The following XPA variants were observed in gnomAD, a reference collection of about 807,000 sequenced individuals.
XPA encodes the protein XPA, DNA damage recognition and repair factor, also known as DNA repair protein complementing XP-A cells.
Under a neutral mutation model 35.7 loss-of-function variants are expected in XPA, and 27 were observed. That is an observed-to-expected ratio of 0.76 (90% CI 0.56 to 1.04). The LOEUF is 1.04. XPA is among the 50% of genes least tolerant of loss of function. The pLI, the probability that XPA is intolerant of heterozygous loss-of-function variation, is 0.00. For synonymous variants in XPA, 133 were observed against 118.4 expected (o/e 1.12, Z -0.80); for missense variants, 354 against 342.7 (o/e 1.03, Z -0.26).
At chr9:97,693,940 C>A (rs991941322) in intron 1 of XPA, among the ~76,000 whole-genome samples, 181 bp from the exon 2 acceptor site, 6 of 151,910 alleles carry the variant, frequency 3.9e-5, no homozygotes, top group Admixed American at 1.3e-4. Flanking sequence ...GCAAGAAAAC[C>A]AAAAAGGCAT....
chr9:97,661,562 A>T, the XPA span, among the ~76,000 whole-genome samples: 1 of 152,188 alleles, frequency 6.6e-6, no homozygotes, highest in Non-Finnish European at 1.5e-5. Context: ...AAAACTACTG[A>T]ATCAAAATAA....
chr9:97,671,825 A>G (rs998352057), downstream of XPA: 14 of 152,320 alleles, frequency 9.2e-5, no homozygotes, highest in African/African-American at 3.4e-4. Context: ...ATCACCTGGG[A>G]ATCTTTCAAG....
At chr9:97,679,749 A>G (rs772393446) in intron 5 of XPA, among the ~76,000 whole-genome samples, 7 of 152,248 alleles carry the variant, frequency 4.6e-5, no homozygotes, top group East Asian at 1.9e-4. Flanking sequence ...CTCACTAATT[A>G]CAAAGGATAA....
chr9:97,687,711 G>A (rs1029390224), intron 3 of XPA, among the ~76,000 whole-genome samples: 1 of 152,188 alleles, frequency 6.6e-6, no homozygotes, highest in African/African-American at 2.4e-5. Context: ...GACCCTAGGG[G>A]TGCGAAAGGG....
the XPA span, among the ~76,000 whole-genome samples, chr9:97,656,940 C>G: frequency 6.6e-6 from 1 of 152,136 alleles, no homozygotes; most frequent in Non-Finnish European, 1.5e-5. Context: ...ACCTGTATTT[C>G]CTGTCTGGTC....
At chr9:97,668,925 T>G in the XPA span, 12 of 1,613,790 alleles carry the variant, frequency 7.4e-6, no homozygotes, top group African/African-American at 1.3e-5. Context: ...CAGGAAAAAG[T>G]GGAATCTGCT....
chr9:97,693,810 G>A (rs1307970134), intron 1 of XPA, 51 bp from the exon 2 acceptor site: 2 of 1,519,008 alleles, frequency 1.3e-6, no homozygotes, highest in Non-Finnish European at 1.8e-6. Context: ...AAGCCTGTAT[G>A]TTACCTTGTT....
At chr9:97,687,347 C>A in intron 3 of XPA, 86 bp from the exon 4 acceptor site, 1 of 1,196,376 alleles carries the variant, frequency 8.4e-7, no homozygotes, top group Non-Finnish European at 1.1e-6. Flanking sequence ...GGGGCACACA[C>A]AGCAAAAAGG....
downstream of XPA, among the ~76,000 whole-genome samples, chr9:97,674,702 G>A (rs1352018196): frequency 6.6e-6 from 1 of 152,056 alleles, no homozygotes. Flanking sequence ...ATACTCCTAA[G>A]GCACTTAGGT....
In XPA at chr9:97,693,628, T is replaced by A. The variant is rs766064929; in HGVS notation, c.283+21A>T. On this transcript the variant is annotated intron_variant, in intron 2 of 5. Transcript: ENST00000375128. ...TCAAAATAACCAATCTAGATACTTA[T>A]TTTTGAAAAACTCACTTTACCTGGT... 7 of 1,607,236 alleles carry A rather than the reference T, an allele frequency of 4.4e-6. No homozygotes were observed. In the East Asian group the frequency reaches 1.3e-4, roughly 31 times the overall value.
At chr9:97,688,187 G>A (rs1168824836) in intron 3 of XPA, among the ~76,000 whole-genome samples, 1 of 152,164 alleles carries the variant, frequency 6.6e-6, no homozygotes, top group Non-Finnish European at 1.5e-5. Context: ...TCAAGGTGTT[G>A]GCAGGACCAC....
chr9:97,667,126 TATC>T, the XPA span, among the ~76,000 whole-genome samples: 1 of 152,140 alleles, frequency 6.6e-6, no homozygotes, highest in Non-Finnish European at 1.5e-5. Flanking sequence ...CATAGTTCAC[TATC>T]TCTGGGTCGG....
At chr9:97,661,734 T>G in the XPA span, among the ~76,000 whole-genome samples, 1 of 113,898 alleles carries the variant, frequency 8.8e-6, no homozygotes. Flanking sequence ...GCTTAAGTGT[T>G]TTTTTTTTTT....
At chr9:97,691,190 A>G (rs1828876990) in intron 2 of XPA, among the ~76,000 whole-genome samples, 2 of 152,244 alleles carry the variant, frequency 1.3e-5, no homozygotes, top group African/African-American at 4.8e-5. Flanking sequence ...GTCTCCCTCC[A>G]TTCTATCCCC....
chr9:97,695,675 T>C (rs1829020468), intron 1 of XPA, among the ~76,000 whole-genome samples: 1 of 152,202 alleles, frequency 6.6e-6, no homozygotes, highest in South Asian at 2.1e-4. Flanking sequence ...ACTCTTCGTA[T>C]TCTAAGCAAG....
the XPA span, among the ~76,000 whole-genome samples, chr9:97,664,170 C>T: frequency 6.6e-6 from 1 of 151,996 alleles, no homozygotes; most frequent in Admixed American, 6.5e-5. Context: ...CAGAGCAACT[C>T]TGTCTCCCAA....
chr9:97,697,325 T>G lies in XPA; in HGVS notation c.-33A>C. The G allele has an allele frequency of 1.3e-6, 2 of 1,596,076 alleles. No individual in the cohort carries two copies. The highest frequency in any genetic ancestry group is 1.7e-6 in the Non-Finnish European group (2 of 1,178,764). ...CCACTCCGAGGACCTAGCTCCCAGC[T>G]CCACGCACGCGCACTGCACGCCGAG... On this transcript the variant is annotated 5_prime_UTR_variant, in exon 1 of 6. Transcript: ENST00000375128.
At chr9:97,656,190 T>G in the XPA span, 1 of 891,750 alleles carries the variant, frequency 1.1e-6, no homozygotes, top group East Asian at 2.6e-5. Context: ...ATCCACTTAC[T>G]CATCTTCCAT....
At chr9:97,693,499 G>C (rs1255437315) in intron 2 of XPA, 150 bp downstream of exon 2, 8 of 703,612 alleles carry the variant, frequency 1.1e-5, no homozygotes, top group South Asian at 9.3e-5. Context: ...TAATCTACTA[G>C]CAAAACTGCC....
Sources: allele counts gnomAD v4.1 joint callset (sites outside exome capture counted in the v4.1 genomes callset), GRCh38; gene constraint gnomAD v4.1.1; transcripts MANE v1.5; gene names NCBI Gene and HGNC (gene_info 2026-07-23, HGNC 2026-07-21).